The following GALNT13 variants were observed in gnomAD, a reference collection of about 807,000 sequenced individuals.
The protein encoded by GALNT13 is UDP-GalNAc:polypeptide N-acetylgalactosaminyltransferase 13.
GALNT13 carries 28 observed loss-of-function variants against 64.2 expected under a neutral mutation model. That is an observed-to-expected ratio of 0.44 (90% CI 0.32 to 0.60). GALNT13 has a LOEUF of 0.60. Ranked by LOEUF, GALNT13 falls within the 20% of genes least tolerant of loss-of-function variation. The probability of loss-of-function intolerance (pLI) is 0.05; values close to 1 mark genes in which losing one functional copy is unlikely to be tolerated. For missense variants in GALNT13, 577 were observed against 669.8 expected (o/e 0.86, Z 1.53); for synonymous variants, 214 against 224.6 (o/e 0.95, Z 0.42).
intron 3 of GALNT13, among the ~76,000 whole-genome samples, chr2:154,138,696 T>A (rs1683089247): frequency 6.6e-6 from 1 of 151,924 alleles, no homozygotes; most frequent in South Asian, 2.1e-4. Context: ...ATTCATTTAA[T>A]ACTTTATGTA....
chr2:154,213,811 G>T (rs1038798895), intron 4 of GALNT13, among the ~76,000 whole-genome samples: 15 of 152,030 alleles, frequency 9.9e-5, no homozygotes, highest in African/African-American at 3.6e-4. Context: ...ATTCATTATT[G>T]TTAATTTTGT....
Position 154,140,467 on chromosome 2 carries a change from T to C in GALNT13, c.273T>C (p.Ile91=). The C allele has an allele frequency of 6.2e-7, 1 of 1,612,504 alleles. No individual in the cohort carries two copies. The highest frequency in any genetic ancestry group is 1.7e-4 in the Middle Eastern group (1 of 6,050). Residue 91 remains isoleucine, a synonymous_variant, in exon 4 of 13, where the codon ATT becomes ATC. Coordinates refer to ENST00000392825, the MANE Select transcript of GALNT13 (RefSeq NM_052917.4). The part of the protein sequence containing the change: ...NQFNLMASDL[I]ALNRSLPDVR... ...TTAACCTTATGGCCAGTGATTTGAT[T>C]GCCCTTAATAGAAGTCTGCCAGATG...
the GALNT13 span, among the ~76,000 whole-genome samples, chr2:153,577,220 C>T: frequency 1.4e-4 from 21 of 151,934 alleles, no homozygotes; most frequent in African/African-American, 4.1e-4. Context: ...AAATTATTAC[C>T]TTTCTTATTG....
chr2:154,412,113 A>G (rs1035857178), intron 11 of GALNT13, among the ~76,000 whole-genome samples: 9 of 151,824 alleles, frequency 5.9e-5, no homozygotes, highest in Non-Finnish European at 1.3e-4. Flanking sequence ...GTCACAAGCA[A>G]GATAAAAGCA....
At chr2:153,963,613 T>A (rs915149150) in intron 3 of GALNT13, among the ~76,000 whole-genome samples, 1 of 152,232 alleles carries the variant, frequency 6.6e-6, no homozygotes, top group South Asian at 2.1e-4. Context: ...TTTTAGCCAT[T>A]TTACTGAGTT....
chr2:153,535,346 ATTAT>A, the GALNT13 span, among the ~76,000 whole-genome samples: 1 of 152,150 alleles, frequency 6.6e-6, no homozygotes, highest in Admixed American at 6.5e-5. Flanking sequence ...GCCAGCAAAG[ATTAT>A]TTATTTACTT....
At chr2:153,660,353 G>A in the GALNT13 span, among the ~76,000 whole-genome samples, 1 of 151,952 alleles carries the variant, frequency 6.6e-6, no homozygotes, top group Non-Finnish European at 1.5e-5. Context: ...GGAAAAGAAA[G>A]CACATCACAC....
chr2:153,154,029 C>T, the GALNT13 span, among the ~76,000 whole-genome samples: 1 of 152,220 alleles, frequency 6.6e-6, no homozygotes, highest in African/African-American at 2.4e-5. Flanking sequence ...TATCCAAGAG[C>T]ATGGAATGTT....
intron 4 of GALNT13, among the ~76,000 whole-genome samples, chr2:154,207,046 ACTG>A (rs894292227): frequency 2.6e-5 from 4 of 152,164 alleles, no homozygotes; most frequent in Non-Finnish European, 4.4e-5. Context: ...CATGTTCCAC[ACTG>A]CTACCAGAGA....
the GALNT13 span, among the ~76,000 whole-genome samples, chr2:153,678,206 CT>C: frequency 5.0e-4 from 75 of 150,030 alleles, no homozygotes; most frequent in African/African-American, 1.6e-3. Flanking sequence ...ATAAATGATT[CT>C]GCCATAAAGG....
chr2:154,187,191 G>A (rs189760851), intron 4 of GALNT13, among the ~76,000 whole-genome samples: 6 of 152,096 alleles, frequency 3.9e-5, no homozygotes, highest in Admixed American at 1.3e-4. Context: ...TCAACCTGGT[G>A]CTTTTTGTCA....
the GALNT13 span, among the ~76,000 whole-genome samples, chr2:153,694,568 T>C: frequency 6.6e-6 from 1 of 152,152 alleles, no homozygotes; most frequent in East Asian, 1.9e-4. Flanking sequence ...AACTAATTTA[T>C]GGTGTTAGAA....
chr2:154,444,627 T>G (rs924468010), intron 12 of GALNT13, among the ~76,000 whole-genome samples: 2 of 152,100 alleles, frequency 1.3e-5, no homozygotes, highest in African/African-American at 4.8e-5. Flanking sequence ...TGTTCATGTA[T>G]TTGACCTTGC....
rs929316493 is a variant in GALNT13 at position 154,074,970 on chromosome 2, G to C, written c.143-65367G>C. Among the ~76,000 whole-genome samples, 6 of 151,724 alleles carry C rather than the reference G, an allele frequency of 4.0e-5. No homozygotes were observed. The East Asian group carries it at 1.2e-3, about 29-fold the overall frequency. On this transcript the variant is annotated intron_variant, in intron 3 of 12. Coordinates refer to ENST00000392825, the MANE Select transcript of GALNT13 (RefSeq NM_052917.4). ...TACTGAATGGGCAAAAGCTGAAAACGTTCCCCTTGAGACCTGGAGAGAGAC... is the reference window on the plus strand; with the variant it reads ...TACTGAATGGGCAAAAGCTGAAAACCTTCCCCTTGAGACCTGGAGAGAGAC...
At chr2:153,587,216 G>A in the GALNT13 span, among the ~76,000 whole-genome samples, 3 of 131,978 alleles carry the variant, frequency 2.3e-5, no homozygotes, top group Non-Finnish European at 3.1e-5. Context: ...TTGGGTGACA[G>A]ACTGAGACTC....
chr2:153,677,922 A>G, the GALNT13 span, among the ~76,000 whole-genome samples: 6 of 152,058 alleles, frequency 3.9e-5, no homozygotes, highest in Admixed American at 2.0e-4. Flanking sequence ...TTAAAACCAT[A>G]AAACCCTTGA....
the GALNT13 span, among the ~76,000 whole-genome samples, chr2:153,538,279 T>C: frequency 5.9e-5 from 9 of 151,548 alleles, no homozygotes; most frequent in African/African-American, 1.9e-4. Flanking sequence ...GGAAAGATTA[T>C]TTAGGGTATC....
the GALNT13 span, among the ~76,000 whole-genome samples, chr2:153,676,135 A>C: frequency 3.9e-5 from 6 of 152,144 alleles, no homozygotes; most frequent in Non-Finnish European, 5.9e-5. Context: ...TAATGAAAAA[A>C]AGATGAAAAG....
the GALNT13 span, among the ~76,000 whole-genome samples, chr2:153,244,111 T>C: frequency 2.0e-5 from 3 of 151,804 alleles, no homozygotes; most frequent in Admixed American, 6.6e-5. Flanking sequence ...TCCACAAAAA[T>C]TGGGGGGAAG....
Sources: gnomAD v4.1 joint callset for allele counts (sites outside exome capture counted in the v4.1 genomes callset) on GRCh38, gnomAD v4.1.1 for gene constraint, MANE v1.5 for transcripts, NCBI Gene and HGNC (gene_info 2026-07-23, HGNC 2026-07-21) for gene names.